VTI1A: variants seen among roughly 807,000 people sequenced by gnomAD.
The protein encoded by VTI1A is vesicle transport through interaction with t-SNAREs homolog 1A.
A neutral mutation model predicts 34.9 loss-of-function variants in VTI1A; 22 were observed. The observed-to-expected ratio is 0.63, with a 90% CI of 0.45 to 0.90. The LOEUF is 0.90. Among genes scored for constraint, VTI1A ranks in the 40% least tolerant of loss-of-function variants. VTI1A has a pLI of 0.00. For synonymous variants in VTI1A, 87 were observed against 97.3 expected, an observed-to-expected ratio of 0.89 and a Z score of 0.62; for missense variants, 268 against 275.6, an observed-to-expected ratio of 0.97 and a Z score of 0.20.
chr10:112,507,160 A>T (rs1351949372), intron 3 of VTI1A, among the ~76,000 whole-genome samples: 7 of 152,122 alleles, frequency 4.6e-5, no homozygotes, highest in Non-Finnish European at 4.4e-5. Context: ...TTTAAGCTTC[A>T]GTTTAATTCA....
At chr10:112,546,260 G>A (rs1851122891) in intron 5 of VTI1A, among the ~76,000 whole-genome samples, 1 of 151,522 alleles carries the variant, frequency 6.6e-6, no homozygotes, top group Non-Finnish European at 1.5e-5. Flanking sequence ...CAGGTAGCTA[G>A]CTATAGTTAA....
intron 7 of VTI1A, among the ~76,000 whole-genome samples, chr10:112,689,826 C>T (rs917076959): frequency 2.6e-5 from 4 of 152,042 alleles, no homozygotes; most frequent in Admixed American, 6.5e-5. Context: ...TGTTGGTATG[C>T]ATATGCAGCT....
At chr10:112,789,193 G>C (rs182015774) in intron 7 of VTI1A, among the ~76,000 whole-genome samples, 1 of 151,958 alleles carries the variant, frequency 6.6e-6, no homozygotes, top group Admixed American at 6.6e-5. Flanking sequence ...TCAGCCTGAA[G>C]GACTTTATTT....
intron 5 of VTI1A, among the ~76,000 whole-genome samples, chr10:112,581,459 C>T (rs1843933384): frequency 6.6e-6 from 1 of 152,000 alleles, no homozygotes; most frequent in Admixed American, 6.5e-5. Flanking sequence ...GTGTAAGTTA[C>T]TTAGGCTTTC....
chr10:112,492,128 C>T (rs1848845167), intron 3 of VTI1A, among the ~76,000 whole-genome samples: 1 of 152,172 alleles, frequency 6.6e-6, no homozygotes, highest in Non-Finnish European at 1.5e-5. Flanking sequence ...TCTTATTCCA[C>T]AGACTTCCCA....
intron 7 of VTI1A, among the ~76,000 whole-genome samples, chr10:112,796,748 ACAGCCAAGCGTCTCCTG>A (rs1322837619): frequency 2.6e-5 from 4 of 152,244 alleles, no homozygotes; most frequent in Non-Finnish European, 5.9e-5. Flanking sequence ...GAAATTTCCT[ACAGCCAAGCGTCTCCTG>A]TCAGCTAATT....
At chr10:112,487,888 G>C (rs1848698118) in intron 3 of VTI1A, among the ~76,000 whole-genome samples, 1 of 152,126 alleles carries the variant, frequency 6.6e-6, no homozygotes, top group Non-Finnish European at 1.5e-5. Flanking sequence ...GTAGTTAATA[G>C]GTATATTGGT....
intron 7 of VTI1A, among the ~76,000 whole-genome samples, chr10:112,683,899 C>T (rs933178976): frequency 1.3e-5 from 2 of 152,016 alleles, no homozygotes; most frequent in Admixed American, 6.5e-5. Context: ...AAAAATTGGC[C>T]GGGCATATTG....
chr10:112,835,116 T>C, the VTI1A span, among the ~76,000 whole-genome samples: 18 of 152,284 alleles, frequency 1.2e-4, no homozygotes, highest in African/African-American at 4.1e-4. Context: ...AAATCTCATC[T>C]GGGGCTTGCT....
intron 7 of VTI1A, among the ~76,000 whole-genome samples, chr10:112,732,843 T>C (rs377547746): frequency 1.3e-5 from 2 of 152,214 alleles, no homozygotes; most frequent in East Asian, 3.8e-4. Context: ...ACTTTGCTGC[T>C]TTTTCCCCTC....
the VTI1A span, among the ~76,000 whole-genome samples, chr10:112,829,445 A>G: frequency 1.2e-4 from 4 of 33,784 alleles, no homozygotes; most frequent in Non-Finnish European, 2.0e-4. Flanking sequence ...CTCCGTCTCG[A>G]AAAAAAAAAA....
intron 5 of VTI1A, among the ~76,000 whole-genome samples, chr10:112,551,594 T>TA (rs1851363045): frequency 6.6e-6 from 1 of 152,240 alleles, no homozygotes; most frequent in African/African-American, 2.4e-5. Flanking sequence ...CCTTGGCTGT[T>TA]ATATAAATAT....
chr10:112,840,670 AG>A, the VTI1A span, among the ~76,000 whole-genome samples: 2 of 152,158 alleles, frequency 1.3e-5, no homozygotes, highest in South Asian at 2.1e-4. Context: ...CTGAGCTGTG[AG>A]GTAGGCACAG....
At chr10:112,601,387 G>C (rs1844869817) in intron 5 of VTI1A, among the ~76,000 whole-genome samples, 1 of 151,052 alleles carries the variant, frequency 6.6e-6, no homozygotes, top group Non-Finnish European at 1.5e-5. Context: ...CTAATATTAA[G>C]AAGGTTCTCG....
chr10:112,784,147 A>G lies in VTI1A; in HGVS notation c.561-31143A>G, dbSNP rs74531520. On this transcript the variant is annotated intron_variant, in intron 7 of 7. Transcript: ENST00000393077. ...TCAGTTCAGACCTTGAACTTAACGC[A>G]TGTCTGCCTTGTACTTTATAACGTT... is the stretch of plus-strand genomic sequence containing the variant. Among the ~76,000 whole-genome samples the G allele has an allele frequency of 2.7e-3, 406 of 152,280 alleles. 4 individuals carry two copies. Among genetic ancestry groups the G allele is most frequent in the African/African-American group, 9.3e-3 (387 of 41,542 alleles).
intron 5 of VTI1A, among the ~76,000 whole-genome samples, chr10:112,562,667 A>T (rs1337284312): frequency 6.6e-6 from 1 of 152,120 alleles, no homozygotes; most frequent in East Asian, 1.9e-4. Context: ...ACCATTAATA[A>T]TAACTAAAAC....
chr10:112,490,218 T>C (rs1239360339), intron 3 of VTI1A, among the ~76,000 whole-genome samples: 1 of 152,226 alleles, frequency 6.6e-6, no homozygotes, highest in African/African-American at 2.4e-5. Flanking sequence ...AATGTATTTC[T>C]GCTGTTTCTT....
At chr10:112,466,833 A>G (rs1183936217) in intron 3 of VTI1A, among the ~76,000 whole-genome samples, 2 of 70,528 alleles carry the variant, frequency 2.8e-5, no homozygotes, top group African/African-American at 8.8e-5. Flanking sequence ...AATTCTGGAA[A>G]CTGAAGTTGG....
intron 7 of VTI1A, among the ~76,000 whole-genome samples, chr10:112,758,038 T>C (rs922417834): frequency 1.3e-5 from 2 of 152,238 alleles, no homozygotes; most frequent in Non-Finnish European, 2.9e-5. Context: ...CATGTAAGTA[T>C]TGTCATTTAT....
Sources: allele counts gnomAD v4.1 joint callset (sites outside exome capture counted in the v4.1 genomes callset), GRCh38; gene constraint gnomAD v4.1.1; transcripts MANE v1.5; gene names NCBI Gene and HGNC (gene_info 2026-07-23, HGNC 2026-07-21).